Variants in BUB1B observed in about 807,000 individuals in gnomAD.
The protein encoded by BUB1B is BUB1 mitotic checkpoint serine/threonine kinase B, also known as mitotic checkpoint serine/threonine-protein kinase BUB1 beta.
Under a neutral mutation model 137.7 loss-of-function variants are expected in BUB1B, and 86 were observed. The observed-to-expected ratio is 0.62, with a 90% CI of 0.52 to 0.75. BUB1B has a LOEUF of 0.75. Among genes scored for constraint, BUB1B ranks in the 30% least tolerant of loss-of-function variants. The pLI is 0.00. For synonymous variants in BUB1B, 420 were observed against 417.9 expected, an observed-to-expected ratio of 1.00 and a Z score of -0.06; for missense variants, 1,130 against 1,236.9, an observed-to-expected ratio of 0.91 and a Z score of 1.30.
rs764923350 is a variant in BUB1B, at chr15:40,176,556, A to G, written c.464A>G (p.Tyr155Cys). 5.5e-5 allele frequency: 89 copies of G among 1,614,022 alleles called. No homozygotes were observed. Among genetic ancestry groups the G allele is most frequent in the Non-Finnish European group, 6.8e-5 (80 of 1,180,026 alleles). Residue 155 changes from tyrosine (Y) to cysteine (C), a missense_variant, in exon 5 of 23, where the codon TAT becomes TGT. Tyr to Cys is a radical substitution (Grantham distance 194). Transcript: ENST00000287598. The stretch of plus-strand genomic sequence containing the variant: ...ATTGGTGTTTCACTTGCTCAGTTCT[A>G]TATCTCATGGGCAGAAGAATATGAA... ...QGIGVSLAQF[Y>C]ISWAEEYEAR... is the part of the protein sequence containing the mutation.
rs746389101 is a variant in BUB1B at position 40,185,564 on chromosome 15, C to A, written c.980C>A (p.Thr327Lys). Residue 327 changes from threonine (T) to lysine (K), a missense_variant, in exon 8 of 23, where the codon ACA becomes AAA. Transcript: ENST00000287598. ...CTTCATCTCCAGCCTCGTGGCAATA[C>A]AGCTTCACTGATAGCTGTACCCGCT... The part of the protein sequence containing the change: ...RSLEHRPRGN[T>K]ASLIAVPAVL... 3.7e-6 allele frequency: 6 copies of A among 1,614,080 alleles called. No individual in the cohort carries two copies. Among genetic ancestry groups the A allele is most frequent in the Non-Finnish European group, 4.2e-6 (5 of 1,180,044 alleles).
intron 14 of BUB1B, among the ~76,000 whole-genome samples, chr15:40,205,945 T>G (rs1451780406): frequency 6.6e-6 from 1 of 152,200 alleles, no homozygotes; most frequent in Admixed American, 6.5e-5. Flanking sequence ...AGGTGAAATT[T>G]GTTGAGGAAC....
chr15:40,163,534 A>G (rs1172620549), intron 1 of BUB1B, among the ~76,000 whole-genome samples: 1 of 152,216 alleles, frequency 6.6e-6, no homozygotes, highest in Non-Finnish European at 1.5e-5. Flanking sequence ...TTGTGGTGGT[A>G]GGAGGTACTT....
At chr15:40,205,459 A>G (rs1315957918) in intron 14 of BUB1B, among the ~76,000 whole-genome samples, 1 of 152,218 alleles carries the variant, frequency 6.6e-6, no homozygotes, top group Non-Finnish European at 1.5e-5. Flanking sequence ...TAAGTAATAT[A>G]GATAAAGAAC....
At chr15:40,207,241 A>G (rs1289583071) in intron 15 of BUB1B, among the ~76,000 whole-genome samples, 1 of 152,238 alleles carries the variant, frequency 6.6e-6, no homozygotes, top group African/African-American at 2.4e-5. Context: ...CACTTGTTTT[A>G]GGTCAGCTAA....
chr15:40,180,320 C>T (rs553872662), intron 5 of BUB1B, among the ~76,000 whole-genome samples: 1 of 140,232 alleles, frequency 7.1e-6, no homozygotes, highest in East Asian at 2.0e-4. Context: ...ATGGATGGCA[C>T]GATTTCAGCT....
At chr15:40,167,099 G>A (rs1367726885) in intron 2 of BUB1B, among the ~76,000 whole-genome samples, 1 of 150,946 alleles carries the variant, frequency 6.6e-6, no homozygotes, top group Non-Finnish European at 1.5e-5. Flanking sequence ...TCTTTATAAA[G>A]TCTCTATACT....
At chr15:40,167,435 C>T (rs535847157) in intron 2 of BUB1B, among the ~76,000 whole-genome samples, 4 of 150,542 alleles carry the variant, frequency 2.7e-5, no homozygotes, top group African/African-American at 7.3e-5. Flanking sequence ...CTCCGCCTCC[C>T]GGGTTCAAGT....
At chr15:40,178,058 A>C (rs1380121415) in intron 5 of BUB1B, among the ~76,000 whole-genome samples, 3 of 141,148 alleles carry the variant, frequency 2.1e-5, no homozygotes, top group Admixed American at 2.1e-4. Context: ...TTTTTCTCTT[A>C]ATGATTTTCT....
chr15:40,204,253 T>C (rs1010699131), intron 14 of BUB1B, among the ~76,000 whole-genome samples: 11 of 152,182 alleles, frequency 7.2e-5, no homozygotes, highest in Non-Finnish European at 1.2e-4. Flanking sequence ...CTTTCTCAGA[T>C]AATTCTGCTA....
chr15:40,217,434 C>G lies in BUB1B; in HGVS notation c.2679-62C>G, dbSNP rs867177321. 6.5e-6 allele frequency: 10 copies of G among 1,546,188 alleles called. No homozygotes were observed. In the African/African-American group the frequency reaches 1.2e-4, roughly 19 times the overall value. ...CAAGGTACCTTTTTTTTTTAAAGAC[C>G]AGCTATGCAGCTTCTTTCATGGCCT... On this transcript the variant is annotated intron_variant, in intron 20 of 22. Coordinates refer to ENST00000287598, the MANE Select transcript of BUB1B (RefSeq NM_001211.6).
Position 40,206,225 on chromosome 15 carries a change from T to G in BUB1B, c.1776T>G (p.Ile592Met), listed in dbSNP as rs1264092011. 6.2e-7 allele frequency: 1 copy of G among 1,614,066 alleles called. No individual in the cohort carries two copies. The highest frequency in any genetic ancestry group is 1.3e-5 in the African/African-American group (1 of 74,924). Reference sequence around the variant, plus strand: ...TTGAACCCTTGAGCGAGGATGCCATTATCACAGGCTTCAGAAATGTAACAA... The same window carrying G: ...TTGAACCCTTGAGCGAGGATGCCATGATCACAGGCTTCAGAAATGTAACAA... ...TGIEPLSEDAIITGFRNVTIC... is the reference protein window; with the variant it reads ...TGIEPLSEDAMITGFRNVTIC... Residue 592 changes from isoleucine to methionine, a missense_variant, in exon 15 of 23, where the codon ATT (isoleucine) becomes ATG (methionine). Ile to Met is a conservative substitution (Grantham distance 10, BLOSUM62 1). Transcript: ENST00000287598.
intron 1 of BUB1B, among the ~76,000 whole-genome samples, chr15:40,164,470 C>T (rs954474510): frequency 1.3e-5 from 2 of 151,898 alleles, no homozygotes; most frequent in African/African-American, 2.4e-5. Flanking sequence ...TCAAGCACTT[C>T]TCCTGACTCA....
chr15:40,174,616 A>G lies in BUB1B; in HGVS notation c.385-1861A>G, dbSNP rs139276247. On this transcript the variant is annotated intron_variant, in intron 4 of 22. Coordinates refer to ENST00000287598, the MANE Select transcript of BUB1B (RefSeq NM_001211.6). ...AACAGATAAATAGGAGATATTTGGTAAAGTAACAAATGGTAGCTTCTCTAG... is the reference window on the plus strand; with the variant it reads ...AACAGATAAATAGGAGATATTTGGTGAAGTAACAAATGGTAGCTTCTCTAG... 2.4e-3 allele frequency among the ~76,000 whole-genome samples: 361 copies of G among 152,358 alleles called. 2 individuals carry two copies. The highest frequency in any genetic ancestry group is 4.0e-3 in the Non-Finnish European group (269 of 68,028).
intron 2 of BUB1B, among the ~76,000 whole-genome samples, chr15:40,166,726 A>C (rs1203228670): frequency 1.3e-5 from 2 of 152,202 alleles, no homozygotes; most frequent in Admixed American, 6.5e-5. Context: ...CTGGTTTACC[A>C]AGGAGGTTGT....
Position 40,185,376 on chromosome 15 carries a change from C to G in BUB1B, c.963C>G (p.His321Gln). 1.2e-6 allele frequency: 2 copies of G among 1,614,036 alleles called. No homozygotes were observed. The highest frequency in any genetic ancestry group is 1.7e-6 in the Non-Finnish European group (2 of 1,179,984). Reference sequence around the variant, plus strand: ...GGAACACAGGCAGGTCCTTGGAACACAGGGTAAGGACTCTTAGATCCAGTG... The same window carrying G: ...GGAACACAGGCAGGTCCTTGGAACAGAGGGTAAGGACTCTTAGATCCAGTG... Reference protein sequence around the residue: ...GPWNTGRSLEHRPRGNTASLI... With the variant: ...GPWNTGRSLEQRPRGNTASLI... Residue 321 changes from histidine to glutamine, a missense_variant, in exon 7 of 23, where the codon CAC (histidine) becomes CAG (glutamine). Transcript: ENST00000287598.
At chr15:40,166,661 C>T (rs2037102600) in intron 2 of BUB1B, among the ~76,000 whole-genome samples, 1 of 152,206 alleles carries the variant, frequency 6.6e-6, no homozygotes, top group Non-Finnish European at 1.5e-5. Flanking sequence ...TTTCATTTCC[C>T]TTGGAGTGGA....
chr15:40,189,697 A>T (rs1236479344), intron 8 of BUB1B, among the ~76,000 whole-genome samples: 1 of 152,148 alleles, frequency 6.6e-6, no homozygotes, highest in East Asian at 1.9e-4. Flanking sequence ...TTGTGTGGAC[A>T]TGTGTTTTCG....
At chr15:40,176,171 A>T (rs893118841) in intron 4 of BUB1B, among the ~76,000 whole-genome samples, 1 of 152,046 alleles carries the variant, frequency 6.6e-6, no homozygotes, top group African/African-American at 2.4e-5. Flanking sequence ...GGCTTGTCTC[A>T]AACTCCTAAC....
Sources: gnomAD v4.1 joint callset for allele counts (sites outside exome capture counted in the v4.1 genomes callset) on GRCh38, gnomAD v4.1.1 for gene constraint, MANE v1.5 for transcripts, NCBI Gene and HGNC (gene_info 2026-07-23, HGNC 2026-07-21) for gene names.